Variants in FAP observed in about 807,000 individuals in gnomAD.
FAP encodes fibroblast activation protein alpha.
In FAP, 110 loss-of-function variants were observed where a neutral mutation model predicts 126.5. That is an observed-to-expected ratio of 0.87 (90% CI 0.74 to 1.02). FAP has a LOEUF of 1.02. Among genes scored for constraint, FAP ranks in the 50% least tolerant of loss-of-function variants. FAP has a pLI of 0.00. For missense variants in FAP, 919 were observed against 909.2 expected, an observed-to-expected ratio of 1.01 and a Z score of -0.14; for synonymous variants, 334 against 297.3, an observed-to-expected ratio of 1.12 and a Z score of -1.27.
chr2:162,179,814 T>TATA (rs1687632473), intron 21 of FAP, among the ~76,000 whole-genome samples: 3 of 92,862 alleles, frequency 3.2e-5, no homozygotes, highest in African/African-American at 1.1e-4. Context: ...ATATATATAT[T>TATA]TTTTTTTTTT....
chr2:162,197,411 A>G (rs1053803403), intron 16 of FAP, among the ~76,000 whole-genome samples: 7 of 152,220 alleles, frequency 4.6e-5, no homozygotes, highest in African/African-American at 1.7e-4. Flanking sequence ...TATATAGCTT[A>G]GGTTGAAAAA....
chr2:162,179,551 C>T (rs1380687837), intron 21 of FAP, among the ~76,000 whole-genome samples: 1 of 152,000 alleles, frequency 6.6e-6, no homozygotes, highest in Non-Finnish European at 1.5e-5. Context: ...GAGAAACTAA[C>T]AGACAGACAA....
rs1318348143 is a variant in FAP, at chr2:162,223,633, A to G, written c.388T>C (p.Tyr130His). 1 of 1,609,718 alleles carries G rather than the reference A, an allele frequency of 6.2e-7. No individual in the cohort carries two copies. The highest frequency in any genetic ancestry group is 1.7e-5 in the Admixed American group (1 of 59,972). ...KLWRYSYTAT[Y>H]YIYDLSNGEF... ...CCATTGCTAAGGTCATAGATGTAAT[A>G]TGTTGCTGTGTAAGAGTATCTCCAA... The change falls in exon 6 of 26, where the codon TAT becomes CAT. Residue 130 changes from tyrosine (Y) to histidine (H), a missense_variant. By Grantham distance (83) the Tyr-to-His change is moderately conservative (BLOSUM62 2). Coordinates refer to ENST00000188790, the MANE Select transcript of FAP (RefSeq NM_004460.5).
chr2:162,206,828 A>G (rs1688715339), intron 12 of FAP, among the ~76,000 whole-genome samples: 1 of 152,322 alleles, frequency 6.6e-6, no homozygotes, highest in African/African-American at 2.4e-5. Context: ...CTGGAGGAAA[A>G]AAGTGGTAAG....
chr2:162,198,524 G>T, intron 16 of FAP: 1 of 696,232 alleles, frequency 1.4e-6, no homozygotes, highest in Non-Finnish European at 2.2e-6. Context: ...GCTGCAGTGC[G>T]GACCTTTTGG....
intron 2 of FAP, 64 bp from the exon 3 acceptor site, chr2:162,226,685 G>A: frequency 1.1e-6 from 1 of 883,042 alleles, no homozygotes; most frequent in South Asian, 1.6e-5. Flanking sequence ...TAAATTCTAA[G>A]CCTGGCCTTC....
intron 18 of FAP, 48 bp from the exon 19 acceptor site, chr2:162,189,220 A>G: frequency 8.9e-7 from 1 of 1,127,726 alleles, no homozygotes; most frequent in Non-Finnish European, 1.3e-6. Flanking sequence ...CAGCACTAGT[A>G]GCATCATTTA....
chr2:162,225,776 G>A (rs559630198), intron 3 of FAP, among the ~76,000 whole-genome samples, 199 bp from the exon 4 acceptor site: 2 of 152,232 alleles, frequency 1.3e-5, no homozygotes, highest in East Asian at 3.9e-4. Context: ...ACACAAAGAT[G>A]CCACATTTGC....
chr2:162,214,803 T>A (rs901496177), intron 10 of FAP, among the ~76,000 whole-genome samples: 2 of 152,114 alleles, frequency 1.3e-5, no homozygotes, highest in Non-Finnish European at 2.9e-5. Context: ...GTTACTTAAC[T>A]CTTCTATTTT....
chr2:162,201,483 C>A (rs534676676), intron 14 of FAP, among the ~76,000 whole-genome samples: 10 of 152,150 alleles, frequency 6.6e-5, no homozygotes, highest in Non-Finnish European at 1.5e-4. Context: ...CCTTGCCCTC[C>A]CCACATCATC....
intron 6 of FAP, among the ~76,000 whole-genome samples, chr2:162,221,172 C>CAG (rs1689375683): frequency 6.6e-6 from 1 of 152,026 alleles, no homozygotes; most frequent in African/African-American, 2.4e-5. Flanking sequence ...TCCTGGCCGC[C>CAG]AGAGGGCAGT....
At chr2:162,227,467 G>T (rs1689703590) in intron 2 of FAP, among the ~76,000 whole-genome samples, 1 of 152,070 alleles carries the variant, frequency 6.6e-6, no homozygotes, top group African/African-American at 2.4e-5. Flanking sequence ...GGCAACCAAA[G>T]CCCAATGCCC....
chr2:162,231,016 C>T (rs551997003), intron 2 of FAP, among the ~76,000 whole-genome samples: 4 of 152,102 alleles, frequency 2.6e-5, no homozygotes, highest in Admixed American at 6.5e-5. Context: ...ATGTAAATGG[C>T]CTCCTTTAAT....
intron 20 of FAP, among the ~76,000 whole-genome samples, chr2:162,185,068 G>T (rs1462817406): frequency 2.0e-5 from 3 of 152,160 alleles, no homozygotes; most frequent in Non-Finnish European, 4.4e-5. Context: ...AGCACTTCCA[G>T]ACCAACGAGG....
intron 2 of FAP, among the ~76,000 whole-genome samples, chr2:162,237,667 T>C (rs542617667): frequency 3.9e-5 from 6 of 152,364 alleles, no homozygotes; most frequent in African/African-American, 1.4e-4. Flanking sequence ...AACATACATG[T>C]GCATGTGTCT....
chr2:162,174,102 T>A (rs1687403602), intron 22 of FAP, among the ~76,000 whole-genome samples: 1 of 152,150 alleles, frequency 6.6e-6, no homozygotes, highest in Non-Finnish European at 1.5e-5. Context: ...AGGAATGACC[T>A]GTAGAATGGT....
intron 20 of FAP, chr2:162,183,699 G>T: frequency 2.4e-6 from 1 of 420,404 alleles, no homozygotes; most frequent in Non-Finnish European, 4.3e-6. Flanking sequence ...GACTGGTAAT[G>T]TCAGAGCGGT....
intron 17 of FAP, among the ~76,000 whole-genome samples, chr2:162,192,679 G>C (rs1299784454): frequency 6.6e-6 from 1 of 152,070 alleles, no homozygotes; most frequent in Non-Finnish European, 1.5e-5. Context: ...TGTCACTACA[G>C]AGCAGCTCCA....
At position 162,210,074 on chromosome 2, in the gene FAP, C is replaced by T; in HGVS notation, c.1003-78G>A. 4 of 1,239,720 alleles carry T rather than the reference C, an allele frequency of 3.2e-6. No homozygotes were observed. The South Asian group carries it at 3.7e-5, about 11-fold the overall frequency. 76.8% of individuals were successfully genotyped at this position (1,239,720 alleles called of 1,614,324 possible). A position where few individuals can be genotyped will look rare whatever the true frequency, so the allele number is the denominator to read the frequency against. ...TAAATGTAATCTGGACATTTGGAAA[C>T]AGTTAAGCTGCCTGATCAGAGTATA... On this transcript the variant is annotated intron_variant, in intron 11 of 25. Coordinates refer to ENST00000188790, the MANE Select transcript of FAP (RefSeq NM_004460.5).
Sources: allele counts gnomAD v4.1 joint callset (sites outside exome capture counted in the v4.1 genomes callset), GRCh38; gene constraint gnomAD v4.1.1; transcripts MANE v1.5; gene names NCBI Gene and HGNC (gene_info 2026-07-23, HGNC 2026-07-21).